Variants in OPCML observed in about 807,000 individuals in gnomAD.
OPCML encodes the protein opioid binding protein/cell adhesion molecule like.
Under a neutral mutation model 37.8 loss-of-function variants are expected in OPCML, and 13 were observed. The ratio of observed to expected loss-of-function variants is 0.34; its 90% CI spans 0.22 to 0.55. The LOEUF is 0.55. Ranked by LOEUF, OPCML falls within the 20% of genes least tolerant of loss-of-function variation. The pLI, the probability that OPCML is intolerant of heterozygous loss-of-function variation, is 0.91. For missense variants in OPCML, 341 were observed against 435.6 expected, an observed-to-expected ratio of 0.78 and a Z score of 1.93; for synonymous variants, 176 against 168.8, an observed-to-expected ratio of 1.04 and a Z score of -0.33.
At chr11:133,395,978 A>G (rs1945277193) in intron 1 of OPCML, among the ~76,000 whole-genome samples, 2 of 152,158 alleles carry the variant, frequency 1.3e-5, no homozygotes, top group Non-Finnish European at 2.9e-5. Flanking sequence ...TCAGGTAGTA[A>G]GGACATTTTA....
At chr11:132,733,173 C>T (rs1160273460) in intron 2 of OPCML, among the ~76,000 whole-genome samples, 1 of 151,760 alleles carries the variant, frequency 6.6e-6, no homozygotes, top group African/African-American at 2.4e-5. Context: ...AGATGGGTGA[C>T]TGAGAAAGAA....
At position 133,206,261 on chromosome 11, in the gene OPCML, G is replaced by A. The variant is rs781684496; in HGVS notation, c.62-263251C>T. On this transcript the variant is annotated intron_variant, in intron 1 of 7. Transcript: ENST00000524381. This position sits in a 1 kb window ranked among gnomAD's most constrained non-coding sequence, Gnocchi z 4.7. ...AGATCAGCAGTACATTAAGATCAGC[G>A]TGATTAAAGACAGTGAGCAGAACTC... is the stretch of plus-strand genomic sequence containing the variant. 6.6e-6 allele frequency among the ~76,000 whole-genome samples: 1 copy of A among 152,148 alleles called. No individual in the cohort carries two copies. The highest frequency in any genetic ancestry group is 1.5e-5 in the Non-Finnish European group (1 of 68,032).
chr11:132,589,716 G>C (rs2137695380), intron 3 of OPCML, among the ~76,000 whole-genome samples: 1 of 152,254 alleles, frequency 6.6e-6, no homozygotes, highest in East Asian at 1.9e-4. Flanking sequence ...CTTAACCCAG[G>C]AGGAGAGAAT....
At chr11:132,979,341 T>C (rs2136783390) in intron 1 of OPCML, among the ~76,000 whole-genome samples, 1 of 152,306 alleles carries the variant, frequency 6.6e-6, no homozygotes, top group African/African-American at 2.4e-5. Flanking sequence ...GTGACGTGGC[T>C]CCTCATCCCT....
intron 1 of OPCML, among the ~76,000 whole-genome samples, chr11:132,984,654 A>C (rs964166343): frequency 6.6e-6 from 1 of 152,056 alleles, no homozygotes; most frequent in African/African-American, 2.4e-5. Context: ...CTTCCTCCCA[A>C]CCTCACACCA....
At position 132,993,440 on chromosome 11, in the gene OPCML, C is replaced by T. The variant is rs140297240; in HGVS notation, c.62-50430G>A. Among the ~76,000 whole-genome samples the T allele has an allele frequency of 5.1e-3, 781 of 152,278 alleles. 5 individuals carry two copies. The highest frequency in any genetic ancestry group is 0.018 in the African/African-American group (750 of 41,558). On this transcript the variant is annotated intron_variant, in intron 1 of 7. Coordinates refer to ENST00000524381, the MANE Select transcript of OPCML (RefSeq NM_001012393.5). Reference sequence around the variant, plus strand: ...TTGTCTGTTTCTAATGAAGCAGAAACGAGCATGGATGCCTTGGGCTTACAT... The same window carrying T: ...TTGTCTGTTTCTAATGAAGCAGAAATGAGCATGGATGCCTTGGGCTTACAT...
intron 3 of OPCML, among the ~76,000 whole-genome samples, chr11:132,648,847 C>T (rs1474782978): frequency 1.3e-5 from 2 of 152,048 alleles, no homozygotes; most frequent in African/African-American, 4.8e-5. Flanking sequence ...TCCAGAGTCA[C>T]ATTTTTTTTT....
At chr11:132,967,505 T>A (rs998097935) in intron 1 of OPCML, among the ~76,000 whole-genome samples, 13 of 152,122 alleles carry the variant, frequency 8.5e-5, no homozygotes, top group African/African-American at 3.1e-4. Flanking sequence ...CCCTGTGGAA[T>A]CAAGTTACCA....
chr11:133,267,234 C>T (rs754200917), intron 1 of OPCML, among the ~76,000 whole-genome samples: 16 of 152,164 alleles, frequency 1.1e-4, no homozygotes, highest in Non-Finnish European at 1.8e-4. Flanking sequence ...TGTCTCTGAG[C>T]GTCACACTTA....
intron 2 of OPCML, among the ~76,000 whole-genome samples, chr11:132,664,992 A>G (rs1428305849): frequency 1.3e-5 from 2 of 152,214 alleles, no homozygotes; most frequent in African/African-American, 4.8e-5. Context: ...ATAACATGAC[A>G]TCTGCCACTC....
chr11:132,478,339 A>G (rs1359972534), intron 4 of OPCML, among the ~76,000 whole-genome samples: 2 of 152,246 alleles, frequency 1.3e-5, no homozygotes, highest in African/African-American at 4.8e-5. Flanking sequence ...TGCAAAGGAA[A>G]GTACAGAGAA....
At chr11:133,221,684 G>A (rs1939839041) in intron 1 of OPCML, among the ~76,000 whole-genome samples, 1 of 152,186 alleles carries the variant, frequency 6.6e-6, no homozygotes, top group African/African-American at 2.4e-5. Flanking sequence ...GGATTATCCT[G>A]AGGTGAGAAG....
intron 1 of OPCML, among the ~76,000 whole-genome samples, chr11:133,530,250 C>G (rs547464794): frequency 1.3e-5 from 2 of 152,208 alleles, no homozygotes; most frequent in South Asian, 4.1e-4. Flanking sequence ...TGCAGTGCCA[C>G]GGGACCCCTA....
At chr11:132,497,575 G>A (rs1472419916) in intron 4 of OPCML, among the ~76,000 whole-genome samples, 1 of 152,064 alleles carries the variant, frequency 6.6e-6, no homozygotes, top group Non-Finnish European at 1.5e-5. Flanking sequence ...AAGAAGTATT[G>A]GAGTGATCCA....
intron 1 of OPCML, among the ~76,000 whole-genome samples, chr11:133,147,580 C>T (rs1331616766): frequency 6.6e-6 from 1 of 152,048 alleles, no homozygotes; most frequent in South Asian, 2.1e-4. Context: ...TACCTGGGAT[C>T]GATGTTTTGG....
intron 2 of OPCML, among the ~76,000 whole-genome samples, chr11:132,864,204 C>T (rs1321655030): frequency 6.6e-6 from 1 of 152,186 alleles, no homozygotes; most frequent in Non-Finnish European, 1.5e-5. Flanking sequence ...TCTCATAGTG[C>T]TGGGATTGCA....
At chr11:133,092,666 C>T (rs1260165408) in intron 1 of OPCML, among the ~76,000 whole-genome samples, 3 of 152,132 alleles carry the variant, frequency 2.0e-5, no homozygotes, top group Non-Finnish European at 2.9e-5. Flanking sequence ...GCGGAGGTTG[C>T]AGTGAGCCGA....
intron 1 of OPCML, chr11:133,118,329 C>T: frequency 3.0e-6 from 3 of 985,294 alleles, no homozygotes; most frequent in Non-Finnish European, 3.6e-6. Context: ...GAGTTCAGGG[C>T]CCAGGCTGGT....
chr11:132,454,164 C>A lies in OPCML; in HGVS notation c.506-16805G>T, dbSNP rs367718494. 2.4e-4 allele frequency among the ~76,000 whole-genome samples: 37 copies of A among 152,280 alleles called. 1 individual carries two copies. Among genetic ancestry groups the A allele is most frequent in the African/African-American group, 7.9e-4 (33 of 41,554 alleles). ...CATGTATCTATTGCATCAAATCCTG[C>A]AAAGCACATTGTTTCTTAATTGGTC... is the stretch of plus-strand genomic sequence containing the variant. On this transcript the variant is annotated intron_variant, in intron 4 of 7. Transcript: ENST00000524381.
Sources: allele counts gnomAD v4.1 joint callset (sites outside exome capture counted in the v4.1 genomes callset), GRCh38; gene constraint gnomAD v4.1.1; non-coding constraint Gnocchi (gnomAD v3.1); transcripts MANE v1.5; gene names NCBI Gene and HGNC (gene_info 2026-07-23, HGNC 2026-07-21).